The following CTNNA3 variants were observed in gnomAD, a reference collection of about 807,000 sequenced individuals.
CTNNA3 encodes catenin alpha 3, also known as catenin alpha-3.
CTNNA3 carries 76 observed loss-of-function variants against 95.7 expected under a neutral mutation model. The observed-to-expected ratio is 0.79, with a 90% CI of 0.66 to 0.96. CTNNA3 has a LOEUF of 0.96. CTNNA3 is among the 40% of genes least tolerant of loss of function. The pLI, the probability that CTNNA3 is intolerant of heterozygous loss-of-function variation, is 0.00. For missense variants in CTNNA3, 1,191 were observed against 1,089.8 expected, an observed-to-expected ratio of 1.09 and a Z score of -1.31; for synonymous variants, 431 against 374.4, an observed-to-expected ratio of 1.15 and a Z score of -1.74.
chr10:66,333,557 G>C (rs979044719), intron 12 of CTNNA3, among the ~76,000 whole-genome samples: 13 of 151,964 alleles, frequency 8.6e-5, no homozygotes, highest in Non-Finnish European at 1.6e-4. Flanking sequence ...GTTTCTTAAT[G>C]CTGAGTTCGA....
At chr10:66,273,071 G>A (rs989680855) in intron 13 of CTNNA3, among the ~76,000 whole-genome samples, 1 of 152,110 alleles carries the variant, frequency 6.6e-6, no homozygotes, top group Non-Finnish European at 1.5e-5. Flanking sequence ...CATTCTTACT[G>A]TAGATCTTAG....
At chr10:66,933,153 G>A (rs1241235993) in intron 7 of CTNNA3, among the ~76,000 whole-genome samples, 1 of 152,188 alleles carries the variant, frequency 6.6e-6, no homozygotes, top group African/African-American at 2.4e-5. Context: ...TGTTTGGCAT[G>A]AGCCAAAAAG....
At chr10:67,477,961 G>A (rs1848080875) in intron 5 of CTNNA3, among the ~76,000 whole-genome samples, 1 of 152,118 alleles carries the variant, frequency 6.6e-6, no homozygotes, top group Non-Finnish European at 1.5e-5. Context: ...CAGGACATGA[G>A]GAAAGAGATA....
chr10:67,265,630 C>T (rs147670737), intron 5 of CTNNA3, among the ~76,000 whole-genome samples: 2,138 of 152,154 alleles, frequency 0.014, 33 homozygotes, highest in Admixed American at 0.029. Flanking sequence ...AAGAGAATAC[C>T]GCATTTTCCA....
chr10:66,276,006 A>G (rs528452402), intron 13 of CTNNA3, among the ~76,000 whole-genome samples: 1 of 152,278 alleles, frequency 6.6e-6, no homozygotes, highest in Admixed American at 6.5e-5. Context: ...TTTATATTGG[A>G]CTGTGTCCCA....
rs542518151 is a variant in CTNNA3 at position 67,390,636 on chromosome 10, C to T, written c.579+131206G>A. Among the ~76,000 whole-genome samples the T allele has an allele frequency of 3.3e-3, 497 of 150,286 alleles. 8 individuals carry two copies. Among genetic ancestry groups the T allele is most frequent in the African/African-American group, 0.012 (479 of 40,670 alleles). On this transcript the variant is annotated intron_variant, in intron 5 of 17. Coordinates refer to ENST00000433211, the MANE Select transcript of CTNNA3 (RefSeq NM_013266.4). ...ATTTTAGACCAATATCCTTGATGAA[C>T]ATTGATGCAAAAATCCTCAATAAAA...
At chr10:66,523,115 T>C (rs1402527939) in intron 10 of CTNNA3, among the ~76,000 whole-genome samples, 1 of 152,208 alleles carries the variant, frequency 6.6e-6, no homozygotes, top group Non-Finnish European at 1.5e-5. Flanking sequence ...ACTTCAGTTT[T>C]AGAGTTTTAT....
At chr10:67,409,447 G>C (rs916993831) in intron 5 of CTNNA3, among the ~76,000 whole-genome samples, 1 of 152,134 alleles carries the variant, frequency 6.6e-6, no homozygotes, top group Non-Finnish European at 1.5e-5. Flanking sequence ...AACATGGATG[G>C]AGTTGGAAGC....
At chr10:66,357,721 T>G (rs1564893655) in intron 12 of CTNNA3, among the ~76,000 whole-genome samples, 1 of 152,190 alleles carries the variant, frequency 6.6e-6, no homozygotes, top group Admixed American at 6.5e-5. Context: ...ACTATTATAC[T>G]CACTTTAGGG....
rs116984672 is a variant in CTNNA3 at position 67,176,612 on chromosome 10, A to G, written c.1047+3705T>C. Among the ~76,000 whole-genome samples the G allele has an allele frequency of 1.4e-3, 212 of 152,352 alleles. 3 individuals are homozygous for G. The East Asian group carries it at 0.035, about 25-fold the overall frequency. ...GTCCACATTCAAATTCCCAGAACCT[A>G]TGAATATGTTACCTGACATGGCAAG... On this transcript the variant is annotated intron_variant, in intron 7 of 17. Coordinates refer to ENST00000433211, the MANE Select transcript of CTNNA3 (RefSeq NM_013266.4).
rs115329406 is a variant in CTNNA3, at chr10:67,118,962, G to T, written c.1047+61355C>A. Among the ~76,000 whole-genome samples, 786 of 151,932 alleles carry T rather than the reference G, an allele frequency of 5.2e-3. 6 individuals are homozygous for T. The highest frequency in any genetic ancestry group is 0.018 in the African/African-American group (734 of 41,494). On this transcript the variant is annotated intron_variant, in intron 7 of 17. Coordinates refer to ENST00000433211, the MANE Select transcript of CTNNA3 (RefSeq NM_013266.4). ...CAGAGAAAATATTATGAACCCTGAG[G>T]TAAATTTTCTCATATGAAATATAAC...
chr10:67,469,892 T>G (rs1269530467), intron 5 of CTNNA3, among the ~76,000 whole-genome samples: 1 of 152,212 alleles, frequency 6.6e-6, no homozygotes, highest in East Asian at 1.9e-4. Context: ...AATCACATCA[T>G]GTAAAATAGG....
chr10:65,965,285 T>C (rs1484632249), intron 17 of CTNNA3, among the ~76,000 whole-genome samples: 3 of 150,768 alleles, frequency 2.0e-5, no homozygotes, highest in Admixed American at 1.3e-4. Flanking sequence ...GAAAGCTATA[T>C]AAGAAAACAG....
intron 13 of CTNNA3, among the ~76,000 whole-genome samples, chr10:66,244,014 C>A (rs1303440115): frequency 6.6e-6 from 1 of 151,992 alleles, no homozygotes. Context: ...CAGAGGGGAG[C>A]CCACTGCCCT....
intron 13 of CTNNA3, among the ~76,000 whole-genome samples, chr10:66,121,991 T>C (rs945970530): frequency 6.6e-6 from 1 of 152,176 alleles, no homozygotes; most frequent in African/African-American, 2.4e-5. Flanking sequence ...AAATACTTAA[T>C]CACATAAATG....
intron 17 of CTNNA3, among the ~76,000 whole-genome samples, chr10:65,961,161 A>G (rs2077833702): frequency 6.6e-6 from 1 of 152,112 alleles, no homozygotes; most frequent in Non-Finnish European, 1.5e-5. Flanking sequence ...GTTAACAAAC[A>G]AAAATGCTTT....
intron 9 of CTNNA3, among the ~76,000 whole-genome samples, chr10:66,631,800 A>G (rs753989650): frequency 1.3e-5 from 2 of 152,192 alleles, no homozygotes; most frequent in Non-Finnish European, 2.9e-5. Flanking sequence ...ACAAATAACT[A>G]TATTTATTCC....
At chr10:67,326,468 C>T (rs1589168741) in intron 5 of CTNNA3, among the ~76,000 whole-genome samples, 2 of 152,230 alleles carry the variant, frequency 1.3e-5, no homozygotes, top group Non-Finnish European at 2.9e-5. Flanking sequence ...GATCTTATTT[C>T]TCCTTCATTT....
At chr10:67,022,572 G>T in intron 7 of CTNNA3, among the ~76,000 whole-genome samples, 1 of 152,174 alleles carries the variant, frequency 6.6e-6, no homozygotes. Context: ...TAGTAAGGTT[G>T]CAGTGTACAA....
Sources: gnomAD v4.1 joint callset for allele counts (sites outside exome capture counted in the v4.1 genomes callset) on GRCh38, gnomAD v4.1.1 for gene constraint, MANE v1.5 for transcripts, NCBI Gene and HGNC (gene_info 2026-07-23, HGNC 2026-07-21) for gene names.